PDE7A: variants seen among roughly 807,000 people sequenced by gnomAD.
PDE7A encodes high affinity 3',5'-cyclic-AMP phosphodiesterase 7A.
A neutral mutation model predicts 64.3 loss-of-function variants in PDE7A; 39 were observed. The ratio of observed to expected loss-of-function variants is 0.61; its 90% CI spans 0.47 to 0.79. The LOEUF (loss-of-function observed/expected upper bound fraction) is 0.79. Among genes scored for constraint, PDE7A ranks in the 30% least tolerant of loss-of-function variants. PDE7A has a pLI of 0.00. For synonymous variants in PDE7A, 203 were observed against 206.8 expected (o/e 0.98, Z 0.16); for missense variants, 470 against 582.8 (o/e 0.81, Z 1.99).
At chr8:65,790,565 G>C (rs1359505250) in intron 1 of PDE7A, among the ~76,000 whole-genome samples, 2 of 152,110 alleles carry the variant, frequency 1.3e-5, no homozygotes, top group Non-Finnish European at 2.9e-5. Flanking sequence ...CTAATCCTCA[G>C]TACAAAGAGC....
intron 3 of PDE7A, among the ~76,000 whole-genome samples, chr8:65,756,224 T>C (rs1808234471): frequency 1.3e-5 from 2 of 152,230 alleles, no homozygotes; most frequent in African/African-American, 2.4e-5. Context: ...AATTTGACTA[T>C]AGTGTGTCTC....
At chr8:65,781,896 G>T (rs1367994763) in intron 2 of PDE7A, among the ~76,000 whole-genome samples, 2 of 152,122 alleles carry the variant, frequency 1.3e-5, no homozygotes, top group Non-Finnish European at 2.9e-5. Flanking sequence ...GCACATTTGT[G>T]GGGGAAAAAT....
At chr8:65,763,200 G>A (rs1399178653) in intron 3 of PDE7A, among the ~76,000 whole-genome samples, 1 of 152,080 alleles carries the variant, frequency 6.6e-6, no homozygotes, top group Non-Finnish European at 1.5e-5. Context: ...ATTGATCTAA[G>A]TTTTAGATTA....
At chr8:65,729,946 G>T (rs1585834833) in intron 7 of PDE7A, among the ~76,000 whole-genome samples, 1 of 151,896 alleles carries the variant, frequency 6.6e-6, no homozygotes, top group Admixed American at 6.6e-5. Context: ...CACACAGAAG[G>T]CAAAAGGACA....
At chr8:65,804,335 C>T (rs552282200) in intron 1 of PDE7A, among the ~76,000 whole-genome samples, 10 of 152,128 alleles carry the variant, frequency 6.6e-5, no homozygotes, top group African/African-American at 2.4e-4. Flanking sequence ...ATACTTTTAC[C>T]CAATTTATTT....
intron 3 of PDE7A, among the ~76,000 whole-genome samples, chr8:65,775,152 T>G (rs555451989): frequency 3.3e-4 from 50 of 152,336 alleles, no homozygotes; most frequent in Admixed American, 1.2e-3. Flanking sequence ...CCCCTCTTAG[T>G]TTTTGAGTAT....
intron 3 of PDE7A, among the ~76,000 whole-genome samples, chr8:65,775,159 G>A (rs1481423511): frequency 6.6e-6 from 1 of 152,094 alleles, no homozygotes; most frequent in Non-Finnish European, 1.5e-5. Context: ...TAGTTTTTGA[G>A]TATGCACGTT....
rs1807531888 is a variant in PDE7A at position 65,743,473 on chromosome 8, C to G, written c.499+1934G>C. Reference sequence around the variant, plus strand: ...AAAAGGCAGGGAGGCAGGAGGGTGGCTCTGCTGATAAAGACAAACTTCACT... The same window carrying G: ...AAAAGGCAGGGAGGCAGGAGGGTGGGTCTGCTGATAAAGACAAACTTCACT... On this transcript the variant is annotated intron_variant, in intron 5 of 12. Transcript: ENST00000401827. 3.3e-5 allele frequency among the ~76,000 whole-genome samples: 5 copies of G among 152,254 alleles called. No homozygotes were observed. In the South Asian group the frequency reaches 1.0e-3, roughly 32 times the overall value.
intron 1 of PDE7A, chr8:65,788,780 TA>T: frequency 1.3e-6 from 1 of 742,014 alleles, no homozygotes; most frequent in Non-Finnish European, 2.3e-6. Flanking sequence ...AATCAGAGAA[TA>T]AAAACTGAGG....
intron 1 of PDE7A, among the ~76,000 whole-genome samples, chr8:65,795,976 A>C (rs1036845201): frequency 6.6e-6 from 1 of 152,106 alleles, no homozygotes; most frequent in African/African-American, 2.4e-5. Flanking sequence ...AAAATGGATC[A>C]TCTATAGCTG....
chr8:65,803,207 T>C (rs1299774316), intron 1 of PDE7A, among the ~76,000 whole-genome samples: 1 of 152,232 alleles, frequency 6.6e-6, no homozygotes, highest in Admixed American at 6.5e-5. Context: ...GGCATATCGA[T>C]GACTTGATTC....
chr8:65,827,481 T>C lies in PDE7A; in HGVS notation c.138+13890A>G, dbSNP rs191705600. On this transcript the variant is annotated intron_variant, in intron 1 of 12. Transcript: ENST00000401827. ...TCTCAGCTTTGAAGTAGGTAGAATG[T>C]TTTTTGTAAACTAGCCACCATAACA... Among the ~76,000 whole-genome samples, 61 of 152,302 alleles carry C rather than the reference T, an allele frequency of 4.0e-4. No individual in the cohort carries two copies. In the Middle Eastern group the frequency reaches 0.017, roughly 42 times the overall value.
intron 1 of PDE7A, among the ~76,000 whole-genome samples, chr8:65,815,237 G>C (rs1030953122): frequency 6.6e-6 from 1 of 151,998 alleles, no homozygotes; most frequent in African/African-American, 2.4e-5. Flanking sequence ...CCCAGCTTTC[G>C]AGAGTTTAAA....
intron 3 of PDE7A, among the ~76,000 whole-genome samples, chr8:65,759,190 T>C (rs1481946008): frequency 2.0e-5 from 3 of 152,240 alleles, no homozygotes; most frequent in South Asian, 2.1e-4. Flanking sequence ...ATCACTGAAG[T>C]TTCTGTTCCA....
intron 6 of PDE7A, among the ~76,000 whole-genome samples, chr8:65,738,806 C>T (rs1345034938): frequency 1.3e-5 from 2 of 152,222 alleles, no homozygotes; most frequent in Non-Finnish European, 2.9e-5. Flanking sequence ...CTGCAATATA[C>T]CTGCTCTTTT....
In PDE7A at chr8:65,837,410, A is replaced by C. The variant is rs902467042; in HGVS notation, c.138+3961T>G. ...CAGGAGTGTTTTGGATATCAATCAG[A>C]CTTTTTTGGATTTTGGAGTATTTGT... On this transcript the variant is annotated intron_variant, in intron 1 of 12. Coordinates refer to ENST00000401827, the MANE Select transcript of PDE7A (RefSeq NM_001242318.3). 3.9e-5 allele frequency among the ~76,000 whole-genome samples: 6 copies of C among 152,196 alleles called. No individual in the cohort carries two copies. In the East Asian group the frequency reaches 1.2e-3, roughly 29 times the overall value.
chr8:65,841,570 T>G lies in PDE7A; in HGVS notation c.-62A>C, dbSNP rs546477427. ...CTGCCGCGGCCGCCGGCCCCTGCAGTGGGAGGGGGCCGCGGCTCGGGGGCT... is the reference window on the plus strand; with the variant it reads ...CTGCCGCGGCCGCCGGCCCCTGCAGGGGGAGGGGGCCGCGGCTCGGGGGCT... On this transcript the variant is annotated 5_prime_UTR_variant, in exon 1 of 13. Coordinates refer to ENST00000401827, the MANE Select transcript of PDE7A (RefSeq NM_001242318.3). 1,124 of 1,020,286 alleles carry G rather than the reference T, an allele frequency of 1.1e-3. 1 individual carries two copies. Among genetic ancestry groups the G allele is most frequent in the Non-Finnish European group, 1.2e-3 (976 of 794,662 alleles). The allele number at this position is 1,020,286 out of a possible 1,614,324, so 63.2% of individuals were successfully genotyped here. A position where few individuals can be genotyped will look rare whatever the true frequency, so the allele number is the denominator to read the frequency against.
At chr8:65,797,912 A>C (rs1401847315) in intron 1 of PDE7A, among the ~76,000 whole-genome samples, 1 of 151,350 alleles carries the variant, frequency 6.6e-6, no homozygotes, top group Non-Finnish European at 1.5e-5. Flanking sequence ...ATTTCTAAGA[A>C]AATGTATGAG....
intron 3 of PDE7A, among the ~76,000 whole-genome samples, chr8:65,779,078 C>T (rs1220675381): frequency 1.3e-5 from 2 of 152,224 alleles, no homozygotes; most frequent in Non-Finnish European, 2.9e-5. Context: ...CAATAGCATT[C>T]AGATACATTT....
Sources: allele counts gnomAD v4.1 joint callset (sites outside exome capture counted in the v4.1 genomes callset), GRCh38; gene constraint gnomAD v4.1.1; transcripts MANE v1.5; gene names NCBI Gene and HGNC (gene_info 2026-07-23, HGNC 2026-07-21).